MACF1: variants seen among roughly 807,000 people sequenced by gnomAD.
MACF1 encodes microtubule-actin cross-linking factor 1.
In MACF1, 193 loss-of-function variants were observed where a neutral mutation model predicts 854.8. The ratio of observed to expected loss-of-function variants is 0.23; its 90% CI spans 0.20 to 0.25. The LOEUF (loss-of-function observed/expected upper bound fraction) is 0.25. MACF1 is among the 10% of genes least tolerant of loss of function. The pLI is 1.00. For synonymous variants in MACF1, 3,185 were observed against 3,226.7 expected (o/e 0.99, Z 0.44); for missense variants, 7,722 against 8,929.1 (o/e 0.86, Z 5.45).
chr1:39,213,944 C>G (rs1644546412), intron 1 of MACF1, among the ~76,000 whole-genome samples: 1 of 152,166 alleles, frequency 6.6e-6, no homozygotes, highest in Admixed American at 6.5e-5. Context: ...GGGATACCCA[C>G]TTGGGAGTGA....
chr1:39,135,173 T>C lies in MACF1; in HGVS notation c.220+50735T>C, dbSNP rs2027178. 4.0e-3 allele frequency among the ~76,000 whole-genome samples: 612 copies of C among 152,368 alleles called. 13 individuals are homozygous for C. The highest frequency in any genetic ancestry group is 0.035 in the Admixed American group (535 of 15,304). On this transcript the variant is annotated intron_variant, in intron 2 of 93. Transcript: ENST00000361689. ...CATTTATGTATCTACCACATTTTATTTATCCATTCATCTGTTGATGGATAC... is the reference window on the plus strand; with the variant it reads ...CATTTATGTATCTACCACATTTTATCTATCCATTCATCTGTTGATGGATAC...
rs71060310 is a variant in MACF1 at position 39,331,172 on chromosome 1, C to CTTTT, written c.4615-6_4615-3dup. 270 of 1,302,794 alleles carry CTTTT rather than the reference C, an allele frequency of 2.1e-4. 1 individual carries two copies. The highest frequency in any genetic ancestry group is 1.6e-3 in the African/African-American group (79 of 48,822). The allele number at this position is 1,302,794 out of a possible 1,614,324, so 80.7% of individuals were successfully genotyped here. A position where few individuals can be genotyped will look rare whatever the true frequency, so the allele number is the denominator to read the frequency against. On this transcript the variant is annotated intron_variant, in intron 36 of 100. Coordinates refer to ENST00000564288, the MANE Select transcript of MACF1 (RefSeq NM_001394062.1). ...TCAGTTTTCTTTTTCTTCTCTTTTC[C>CTTTT]TTTTTTTTTTTTTTTTTTTTTTTTT...
chr1:39,335,530 T>G lies in MACF1; in HGVS notation c.8942T>G (p.Ile2981Ser). 6.2e-7 allele frequency: 1 copy of G among 1,614,018 alleles called. No homozygotes were observed. Among genetic ancestry groups the G allele is most frequent in the Non-Finnish European group, 8.5e-7 (1 of 1,179,986 alleles). The change falls in exon 37 of 101, where the codon ATT becomes AGT. Residue 2981 changes from isoleucine (I) to serine (S), a missense_variant. By Grantham distance (142) the Ile-to-Ser change is moderately radical. Around this residue, in one of 15 missense-constraint regions of MACF1, gnomAD observed 854 missense variants for 852.6 expected, o/e 1.00. Coordinates refer to ENST00000564288, the MANE Select transcript of MACF1 (RefSeq NM_001394062.1). ...AGTAAGAGAGAGAAGAGGGAGGTGA[T>G]TGTAGAAGAAAGTATCAGAACATGC... The part of the protein sequence containing the change: ...VKSKREKREV[I>S]VEESIRTCKP...
chr1:39,398,509 A>G (rs1365141938), intron 58 of MACF1, among the ~76,000 whole-genome samples: 2 of 152,046 alleles, frequency 1.3e-5, no homozygotes, highest in African/African-American at 2.4e-5. Context: ...GAAACAACCT[A>G]CAATACACAG....
intron 77 of MACF1, 73 bp from the exon 78 acceptor site, chr1:39,442,641 G>A: frequency 6.2e-7 from 1 of 1,608,838 alleles, no homozygotes; most frequent in Non-Finnish European, 8.5e-7. Context: ...GCCTTTGAAT[G>A]TTGTGTATAT....
chr1:39,274,285 T>G (rs1039507183), intron 6 of MACF1, among the ~76,000 whole-genome samples: 5 of 151,866 alleles, frequency 3.3e-5, no homozygotes, highest in Admixed American at 3.3e-4. Flanking sequence ...GCAAAATAAG[T>G]TGTATAAAAA....
At position 39,447,488 on chromosome 1, in the gene MACF1, A is replaced by C; in HGVS notation, c.19662A>C (p.Glu6554Asp). 1.2e-6 allele frequency: 2 copies of C among 1,614,170 alleles called. No homozygotes were observed. Among genetic ancestry groups the C allele is most frequent in the Non-Finnish European group, 1.7e-6 (2 of 1,180,010 alleles). Residue 6554 changes from glutamate (E) to aspartate (D), a missense_variant, in exon 81 of 101, where the codon GAA becomes GAC. Transcript: ENST00000564288. Reference protein sequence around the residue: ...LATEFQNSLQEFINWLTLAEQ... With the variant: ...LATEFQNSLQDFINWLTLAEQ... Reference sequence around the variant, plus strand: ...CAGAATTCCAGAATTCCCTACAAGAATTTATCAACTGGCTCACTCTAGCAG... The same window carrying C: ...CAGAATTCCAGAATTCCCTACAAGACTTTATCAACTGGCTCACTCTAGCAG...
chr1:39,388,390 G>A lies in MACF1; in HGVS notation c.15548G>A (p.Cys5183Tyr), dbSNP rs201770692. 3.1e-5 allele frequency: 50 copies of A among 1,614,184 alleles called. No individual in the cohort carries two copies. In the East Asian group the frequency reaches 9.6e-4, roughly 31 times the overall value. ...KLDIEASEAE[C>Y]RHMLEEEGTL... The stretch of plus-strand genomic sequence containing the variant: ...GACATAGAGGCCTCTGAAGCAGAGT[G>A]TCGACATATGCTAGAAGAAGAGGGG... Residue 5183 changes from cysteine (C) to tyrosine (Y), a missense_variant, in exon 58 of 101, where the codon TGT becomes TAT. By Grantham distance (194) the Cys-to-Tyr change is radical. Transcript: ENST00000564288.
chr1:39,393,195 AAATATATATAT>A (rs1414022604), intron 58 of MACF1, among the ~76,000 whole-genome samples: 3 of 95,620 alleles, frequency 3.1e-5, no homozygotes, highest in Admixed American at 1.1e-4. Flanking sequence ...AAAAAAAAAA[AAATATATATAT>A]ATATATATAT....
chr1:39,376,192 T>G (rs1649705279), intron 52 of MACF1, among the ~76,000 whole-genome samples: 1 of 152,228 alleles, frequency 6.6e-6, no homozygotes, highest in Non-Finnish European at 1.5e-5. Flanking sequence ...AGGTGTAGAA[T>G]TCAGCATAAT....
intron 2 of MACF1, among the ~76,000 whole-genome samples, chr1:39,109,732 A>T (rs1333032349): frequency 6.6e-6 from 1 of 152,168 alleles, no homozygotes; most frequent in African/African-American, 2.4e-5. Context: ...AGGCACAGAG[A>T]CTTAAAATTA....
intron 4 of MACF1, among the ~76,000 whole-genome samples, chr1:39,253,768 G>T (rs182300267): frequency 6.6e-6 from 1 of 151,990 alleles, no homozygotes; most frequent in African/African-American, 2.4e-5. Flanking sequence ...CTCCTGCCTC[G>T]GCCTCCCAAA....
intron 2 of MACF1, among the ~76,000 whole-genome samples, chr1:39,235,864 A>G (rs1198726317): frequency 6.6e-6 from 1 of 152,032 alleles, no homozygotes; most frequent in Non-Finnish European, 1.5e-5. Flanking sequence ...CCTCCCAAAT[A>G]GCTAGGTTTA....
intron 6 of MACF1, among the ~76,000 whole-genome samples, chr1:39,263,775 T>C (rs988496259): frequency 2.3e-5 from 3 of 130,184 alleles, no homozygotes; most frequent in Admixed American, 1.5e-4. Flanking sequence ...TTTTTTCTTT[T>C]TTTTTTTTTT....
Position 39,303,025 on chromosome 1 carries a change from A to G in MACF1, c.2736A>G (p.Ser912=). The part of the protein sequence containing the change: ...SPTGNEAMVP[S]VCFLIPPPNK... ...CAGGGAACGAGGCAATGGTGCCGTC[A>G]GTCTGCTTCCTCATCCCCCCACCCA... is the stretch of plus-strand genomic sequence containing the variant. The change falls in exon 23 of 101, where the codon TCA becomes TCG. Residue 912 remains serine (S), a synonymous_variant. Coordinates refer to ENST00000564288, the MANE Select transcript of MACF1 (RefSeq NM_001394062.1). 2 of 1,614,224 alleles carry G rather than the reference A, an allele frequency of 1.2e-6. No homozygotes were observed. The highest frequency in any genetic ancestry group is 1.7e-6 in the Non-Finnish European group (2 of 1,180,010).
chr1:39,468,339 A>G (rs1483892338), intron 95 of MACF1, among the ~76,000 whole-genome samples: 1 of 152,236 alleles, frequency 6.6e-6, no homozygotes, highest in African/African-American at 2.4e-5. Context: ...CAGTAAGCTG[A>G]GATCACACTG....
chr1:39,338,139 A>C (rs1240560416), intron 38 of MACF1, among the ~76,000 whole-genome samples: 4 of 152,172 alleles, frequency 2.6e-5, no homozygotes, highest in African/African-American at 9.7e-5. Flanking sequence ...TGGTTAGGAA[A>C]CTATTGCAGT....
At chr1:39,375,857 A>G (rs1012390576) in intron 52 of MACF1, among the ~76,000 whole-genome samples, 2 of 152,220 alleles carry the variant, frequency 1.3e-5, no homozygotes, top group African/African-American at 2.4e-5. Flanking sequence ...GAGGACAAAA[A>G]CTGTCCAACT....
chr1:39,159,324 A>G (rs918033863), intron 2 of MACF1, among the ~76,000 whole-genome samples: 12 of 152,240 alleles, frequency 7.9e-5, no homozygotes, highest in African/African-American at 2.7e-4. Flanking sequence ...TGAGGTGGCC[A>G]GACAGTGTGG....
Sources: gnomAD v4.1 joint callset for allele counts (sites outside exome capture counted in the v4.1 genomes callset) on GRCh38, gnomAD v4.1.1 for gene constraint, gnomAD v4.1.1 regional missense constraint, MANE v1.5 for transcripts, NCBI Gene and HGNC (gene_info 2026-07-23, HGNC 2026-07-21) for gene names.